Variants in HMGCLL1 observed in about 807,000 individuals in gnomAD.
The protein encoded by HMGCLL1 is 3-hydroxymethyl-3-methylglutaryl-CoA lyase, cytoplasmic.
HMGCLL1 carries 36 observed loss-of-function variants against 39.1 expected under a neutral mutation model. The ratio of observed to expected loss-of-function variants is 0.92; its 90% confidence interval spans 0.71 to 1.22. HMGCLL1 has a LOEUF of 1.22. Ranked by LOEUF, HMGCLL1 falls within the 50% of genes most tolerant of loss-of-function variation. The pLI is 0.00. For missense variants in HMGCLL1, 451 were observed against 416.5 expected (o/e 1.08, Z -0.72); for synonymous variants, 149 against 144.0 (o/e 1.03, Z -0.25).
intron 7 of HMGCLL1, among the ~76,000 whole-genome samples, chr6:55,475,595 A>C (rs143493107): frequency 7.7e-4 from 117 of 151,800 alleles, no homozygotes; most frequent in African/African-American, 2.7e-3. Context: ...CAAACTCTTT[A>C]CATTTGGAGC....
At chr6:55,505,889 T>C (rs946207293) in intron 5 of HMGCLL1, among the ~76,000 whole-genome samples, 1 of 151,760 alleles carries the variant, frequency 6.6e-6, no homozygotes, top group Admixed American at 6.6e-5. Context: ...AATTCATCCT[T>C]GGAAAAGTTG....
At chr6:55,457,138 C>A (rs1764359641) in intron 7 of HMGCLL1, among the ~76,000 whole-genome samples, 2 of 152,184 alleles carry the variant, frequency 1.3e-5, no homozygotes, top group Admixed American at 1.3e-4. Context: ...AAAATGTAAT[C>A]ATCCTTTCCA....
chr6:55,667,908 TA>T, the HMGCLL1 span, among the ~76,000 whole-genome samples: 59 of 151,398 alleles, frequency 3.9e-4, no homozygotes, highest in South Asian at 6.2e-4. Flanking sequence ...CTTTTTTTTT[TA>T]TTTTTTGATT....
At chr6:55,458,255 AG>A (rs142100957) in intron 7 of HMGCLL1, among the ~76,000 whole-genome samples, 9,973 of 152,172 alleles carry the variant, frequency 0.066, 392 homozygotes, top group African/African-American at 0.11. Context: ...ATATTGTTCT[AG>A]GTGCCACGTA....
At chr6:55,670,321 C>T in the HMGCLL1 span, among the ~76,000 whole-genome samples, 1 of 151,666 alleles carries the variant, frequency 6.6e-6, no homozygotes, top group African/African-American at 2.4e-5. Context: ...TAATTCAATG[C>T]CAGCAGGCCT....
chr6:55,572,587 A>G (rs1771563785), intron 1 of HMGCLL1, among the ~76,000 whole-genome samples: 1 of 152,124 alleles, frequency 6.6e-6, no homozygotes, highest in Admixed American at 6.6e-5. Flanking sequence ...CATGAGGCAG[A>G]TAATCTTTTT....
intron 1 of HMGCLL1, among the ~76,000 whole-genome samples, chr6:55,542,904 T>A (rs1232564461): frequency 3.8e-5 from 5 of 132,678 alleles, no homozygotes; most frequent in African/African-American, 1.4e-4. Flanking sequence ...TTTAGATTAT[T>A]TATATTGTTA....
At chr6:55,660,361 C>T in the HMGCLL1 span, among the ~76,000 whole-genome samples, 3 of 151,652 alleles carry the variant, frequency 2.0e-5, no homozygotes, top group Non-Finnish European at 4.4e-5. Context: ...TGTTCTTCTC[C>T]CTCCTCCCAC....
chr6:55,618,714 G>A, the HMGCLL1 span, among the ~76,000 whole-genome samples: 1 of 152,050 alleles, frequency 6.6e-6, no homozygotes, highest in Non-Finnish European at 1.5e-5. Context: ...TATGTTATAA[G>A]ATTGTTAAAA....
chr6:55,646,019 T>C, the HMGCLL1 span, among the ~76,000 whole-genome samples: 1 of 151,828 alleles, frequency 6.6e-6, no homozygotes, highest in Non-Finnish European at 1.5e-5. Context: ...AAGCCATCAG[T>C]TTCTGGACTT....
At chr6:55,552,134 C>A (rs1373005508) in intron 1 of HMGCLL1, among the ~76,000 whole-genome samples, 1 of 151,826 alleles carries the variant, frequency 6.6e-6, no homozygotes, top group Non-Finnish European at 1.5e-5. Context: ...AACAAACAAA[C>A]ACACACAAAA....
chr6:55,543,135 GATATATT>G (rs1401202735), intron 1 of HMGCLL1, among the ~76,000 whole-genome samples: 5 of 5,288 alleles, frequency 9.5e-4, no homozygotes, highest in Admixed American at 4.5e-3. Flanking sequence ...TCATATATAT[GATATATT>G]ATATATTATA....
At chr6:55,439,105 A>G (rs995202200) in intron 8 of HMGCLL1, among the ~76,000 whole-genome samples, 2 of 152,158 alleles carry the variant, frequency 1.3e-5, no homozygotes, top group African/African-American at 4.8e-5. Context: ...ACAAAACTGC[A>G]AAACTCAACA....
At chr6:55,456,214 C>T (rs781097811) in intron 7 of HMGCLL1, among the ~76,000 whole-genome samples, 15 of 152,198 alleles carry the variant, frequency 9.9e-5, no homozygotes, top group Admixed American at 6.5e-5. Context: ...CAAACCCACA[C>T]ATATTTGGTG....
In HMGCLL1 at chr6:55,575,095, A is replaced by T. The variant is rs1771698560; in HGVS notation, c.108+3853T>A. ...GGGGGATCGCTTCACTAGGAAACTT[A>T]AATTTAATCAAAACTTTAAAACATG... On this transcript the variant is annotated intron_variant, in intron 1 of 8. Coordinates refer to ENST00000274901, the MANE Select transcript of HMGCLL1 (RefSeq NM_001042406.2). Among the ~76,000 whole-genome samples, 3 of 152,186 alleles carry T rather than the reference A, an allele frequency of 2.0e-5. No homozygotes were observed. The South Asian group carries it at 6.2e-4, about 32-fold the overall frequency.
Position 55,546,662 on chromosome 6 carries a change from A to T in HMGCLL1, c.109-4522T>A, listed in dbSNP as rs567287807. On this transcript the variant is annotated intron_variant, in intron 1 of 8. Transcript: ENST00000274901. ...GACACTTTTCTTACATACTGAATAT[A>T]TGAAAATTAACGAATGACTTGTAAG... Among the ~76,000 whole-genome samples, 5 of 152,222 alleles carry T rather than the reference A, an allele frequency of 3.3e-5. No homozygotes were observed. The East Asian group carries it at 9.7e-4, about 29-fold the overall frequency.
At chr6:55,647,771 T>TA in the HMGCLL1 span, among the ~76,000 whole-genome samples, 1 of 103,024 alleles carries the variant, frequency 9.7e-6, no homozygotes, top group African/African-American at 3.5e-5. Flanking sequence ...TTTATTTTAT[T>TA]TTTTTTTTTT....
In HMGCLL1 at chr6:55,477,191, T is replaced by C. The variant is rs1228816068; in HGVS notation, c.795+18228A>G. The stretch of plus-strand genomic sequence containing the variant: ...TATAATATATATTATATTTATATAT[T>C]ATATATTATATAATATATATTATAT... On this transcript the variant is annotated intron_variant, in intron 7 of 8. Coordinates refer to ENST00000274901, the MANE Select transcript of HMGCLL1 (RefSeq NM_001042406.2). Among the ~76,000 whole-genome samples, 2 of 32,088 alleles carry C rather than the reference T, an allele frequency of 6.2e-5. 1 individual carries two copies. The highest frequency in any genetic ancestry group is 9.4e-5 in the Non-Finnish European group (2 of 21,338). The allele number at this position is 32,088 out of a possible 152,430, so 21.1% of individuals were successfully genotyped here.
intron 7 of HMGCLL1, among the ~76,000 whole-genome samples, chr6:55,465,960 AC>A (rs1344347242): frequency 6.6e-6 from 1 of 152,140 alleles, no homozygotes; most frequent in East Asian, 1.9e-4. Flanking sequence ...ACTGCCCTTA[AC>A]CTTTATTGTA....
Sources: allele counts gnomAD v4.1 joint callset (sites outside exome capture counted in the v4.1 genomes callset), GRCh38; gene constraint gnomAD v4.1.1; transcripts MANE v1.5; gene names NCBI Gene and HGNC (gene_info 2026-07-23, HGNC 2026-07-21).